Variants in NOL4 observed in about 807,000 individuals in gnomAD.
NOL4 encodes cancer/testis antigen 125.
In NOL4, 17 loss-of-function variants were observed where a neutral mutation model predicts 75.9. That is an observed-to-expected ratio of 0.22 (90% confidence interval 0.15 to 0.34). NOL4 has a LOEUF of 0.34. Among genes scored for constraint, NOL4 ranks in the 10% least tolerant of loss-of-function variants. The pLI, the probability that NOL4 is intolerant of heterozygous loss-of-function variation, is 1.00. For missense variants in NOL4, 614 were observed against 793.5 expected, an observed-to-expected ratio of 0.77 and a Z score of 2.72; for synonymous variants, 292 against 289.9, an observed-to-expected ratio of 1.01 and a Z score of -0.07.
chr18:34,080,531 G>A (rs556749348), intron 5 of NOL4, among the ~76,000 whole-genome samples: 80 of 152,216 alleles, frequency 5.3e-4, no homozygotes, highest in Middle Eastern at 6.8e-3. Flanking sequence ...CATAAAAAGC[G>A]GCATGCACCA....
chr18:34,221,533 T>C (rs1347078343), intron 1 of NOL4: 1 of 151,188 alleles, frequency 6.6e-6, no homozygotes. Context: ...TCTTTAGTAG[T>C]GCCACATGCT....
chr18:34,204,811 G>GA, intron 1 of NOL4, among the ~76,000 whole-genome samples: 1 of 151,920 alleles, frequency 6.6e-6, no homozygotes, highest in Middle Eastern at 3.4e-3. Context: ...GAATAATGGA[G>GA]AAAAAAAGGA....
In NOL4 at chr18:33,974,479, G is replaced by T. The variant is rs112379504; in HGVS notation, c.1057-16061C>A. ...AGGCTCAAGGAGAGGGAGAGAGATG[G>T]GGGAACAGCCAGTCATTGGAGTAGT... On this transcript the variant is annotated intron_variant, in intron 6 of 10. Transcript: ENST00000261592. 2.9e-3 allele frequency among the ~76,000 whole-genome samples: 448 copies of T among 152,150 alleles called. 2 individuals are homozygous for T. Among genetic ancestry groups the T allele is most frequent in the Non-Finnish European group, 4.7e-3 (318 of 67,986 alleles).
intron 6 of NOL4, among the ~76,000 whole-genome samples, chr18:34,010,947 G>T (rs1368754036): frequency 6.6e-6 from 1 of 151,294 alleles, no homozygotes; most frequent in Non-Finnish European, 1.5e-5. Context: ...TGTATATTTT[G>T]GTTATTAATC....
chr18:34,203,366 T>C (rs566247808), intron 1 of NOL4, among the ~76,000 whole-genome samples: 12 of 151,974 alleles, frequency 7.9e-5, no homozygotes, highest in African/African-American at 2.9e-4. Context: ...ATATATTGAG[T>C]GTGGTGGTGG....
chr18:33,996,490 T>C (rs1019135300), intron 6 of NOL4, among the ~76,000 whole-genome samples: 1 of 151,866 alleles, frequency 6.6e-6, no homozygotes, highest in Non-Finnish European at 1.5e-5. Flanking sequence ...TATTGCATGA[T>C]GCTAAGGTTT....
intron 1 of NOL4, chr18:34,222,032 C>CCG (rs2037347960): frequency 4.6e-6 from 7 of 1,535,372 alleles, no homozygotes; most frequent in Non-Finnish European, 5.2e-6. Context: ...TGGCATGATG[C>CCG]AGAAAGGTCT....
chr18:34,142,991 A>G (rs1370014151), intron 1 of NOL4, among the ~76,000 whole-genome samples: 4 of 151,484 alleles, frequency 2.6e-5, no homozygotes, highest in Non-Finnish European at 5.9e-5. Flanking sequence ...AGCTCAATAA[A>G]GCTGTTAAAA....
chr18:34,005,386 T>C (rs973384866), intron 6 of NOL4, among the ~76,000 whole-genome samples: 16 of 152,046 alleles, frequency 1.1e-4, no homozygotes, highest in Admixed American at 7.2e-4. Flanking sequence ...TGTTTTCTCT[T>C]CTTTCATACA....
chr18:33,971,405 C>A (rs1158350911), intron 6 of NOL4, among the ~76,000 whole-genome samples: 1 of 152,094 alleles, frequency 6.6e-6, no homozygotes, highest in Admixed American at 6.6e-5. Context: ...GCAGTTGGAT[C>A]TGTCCTTTAC....
At chr18:33,936,405 G>C (rs1397375892) in intron 9 of NOL4, among the ~76,000 whole-genome samples, 1 of 119,440 alleles carries the variant, frequency 8.4e-6, no homozygotes, top group South Asian at 2.9e-4. Flanking sequence ...AATTAGCAGT[G>C]AGTTTTTTTT....
chr18:34,017,343 T>C (rs562492968), intron 6 of NOL4, among the ~76,000 whole-genome samples: 4 of 152,222 alleles, frequency 2.6e-5, no homozygotes, highest in African/African-American at 9.6e-5. Context: ...TTGCTGCAAG[T>C]ATGCCAAGTA....
chr18:33,944,817 C>T (rs144238792), intron 8 of NOL4, among the ~76,000 whole-genome samples: 8 of 151,946 alleles, frequency 5.3e-5, no homozygotes, highest in African/African-American at 9.6e-5. Context: ...ACTCATATTG[C>T]TTCTTCATTT....
intron 5 of NOL4, among the ~76,000 whole-genome samples, chr18:34,090,353 G>C (rs1214106318): frequency 6.6e-6 from 1 of 152,076 alleles, no homozygotes; most frequent in East Asian, 1.9e-4. Flanking sequence ...TTCTAGAAGA[G>C]AAACAGCTAA....
chr18:34,024,628 C>T (rs74891983), intron 5 of NOL4, among the ~76,000 whole-genome samples: 6,393 of 152,106 alleles, frequency 0.042, 262 homozygotes, highest in African/African-American at 0.11. Context: ...AAATCTTACA[C>T]CATAACTGCC....
intron 9 of NOL4, among the ~76,000 whole-genome samples, chr18:33,942,418 A>T (rs1283503679): frequency 6.6e-6 from 1 of 151,950 alleles, no homozygotes; most frequent in Non-Finnish European, 1.5e-5. Flanking sequence ...AGATAACCCA[A>T]GGGAAAGACT....
chr18:34,178,907 C>T (rs755890260), intron 1 of NOL4, among the ~76,000 whole-genome samples: 5 of 151,608 alleles, frequency 3.3e-5, no homozygotes, highest in African/African-American at 4.8e-5. Flanking sequence ...CTCTATTGTA[C>T]ATGTAGCATT....
intron 8 of NOL4, among the ~76,000 whole-genome samples, chr18:33,951,581 C>G (rs2145668401): frequency 6.6e-6 from 1 of 152,218 alleles, no homozygotes; most frequent in Non-Finnish European, 1.5e-5. Flanking sequence ...AATTTCTCCT[C>G]TGGAATGCCT....
chr18:34,047,635 A>G (rs1439835735), intron 5 of NOL4, among the ~76,000 whole-genome samples: 1 of 152,142 alleles, frequency 6.6e-6, no homozygotes, highest in Non-Finnish European at 1.5e-5. Flanking sequence ...TTGAAAGACT[A>G]GATATCTTCA....
Sources: gnomAD v4.1 joint callset for allele counts (sites outside exome capture counted in the v4.1 genomes callset) on GRCh38, gnomAD v4.1.1 for gene constraint, MANE v1.5 for transcripts, NCBI Gene and HGNC (gene_info 2026-07-23, HGNC 2026-07-21) for gene names.